Variants in MYPN observed in about 807,000 individuals in gnomAD.
MYPN encodes the protein myopalladin.
In MYPN, 63 loss-of-function variants were observed where a neutral mutation model predicts 129.4. The observed-to-expected ratio is 0.49, with a 90% CI of 0.40 to 0.60. The LOEUF (loss-of-function observed/expected upper bound fraction) is 0.60, where lower values mean the gene tolerates loss of function less well. Among genes scored for constraint, MYPN ranks in the 20% least tolerant of loss-of-function variants. The pLI is 0.00. For missense variants in MYPN, 1,596 were observed against 1,635.4 expected, an observed-to-expected ratio of 0.98 and a Z score of 0.42; for synonymous variants, 629 against 600.9, an observed-to-expected ratio of 1.05 and a Z score of -0.68.
intron 8 of MYPN, among the ~76,000 whole-genome samples, chr10:68,163,952 G>T (rs1422485298): frequency 6.6e-6 from 1 of 152,176 alleles, no homozygotes; most frequent in Non-Finnish European, 1.5e-5. Context: ...GAGTTAGCTT[G>T]ACTGGCTTAG....
intron 8 of MYPN, among the ~76,000 whole-genome samples, chr10:68,164,162 C>T (rs2043020073): frequency 6.6e-6 from 1 of 152,160 alleles, no homozygotes; most frequent in African/African-American, 2.4e-5. Context: ...TAATAAAGAA[C>T]AGGGATTTAT....
chr10:68,145,915 ACTC>A (rs770104510), intron 4 of MYPN, among the ~76,000 whole-genome samples: 7 of 151,466 alleles, frequency 4.6e-5, no homozygotes, highest in African/African-American at 7.3e-5. Context: ...CCTTGAGTCA[ACTC>A]CTCCTTCTCT....
intron 2 of MYPN, among the ~76,000 whole-genome samples, chr10:68,130,258 G>A (rs1287788350): frequency 9.2e-5 from 14 of 152,084 alleles, no homozygotes; most frequent in Admixed American, 3.3e-4. Context: ...TCAGGAGTTC[G>A]AGACTAGCCT....
At chr10:68,167,872 T>G (rs1447930889) in intron 10 of MYPN, among the ~76,000 whole-genome samples, 1 of 152,228 alleles carries the variant, frequency 6.6e-6, no homozygotes, top group Admixed American at 6.5e-5. Flanking sequence ...AAGAGGTTAT[T>G]GCAGGGATAT....
At chr10:68,172,171 T>G (rs1163734577) in intron 10 of MYPN, among the ~76,000 whole-genome samples, 1 of 151,912 alleles carries the variant, frequency 6.6e-6, no homozygotes, top group African/African-American at 2.4e-5. Context: ...CTGGGCAACA[T>G]GACGAGACCC....
chr10:68,164,317 T>C (rs2043023007), intron 8 of MYPN, among the ~76,000 whole-genome samples: 1 of 152,204 alleles, frequency 6.6e-6, no homozygotes, highest in Admixed American at 6.5e-5. Flanking sequence ...GGGGCCACTC[T>C]TACTTTCATG....
chr10:68,118,195 A>G (rs1230724693), intron 1 of MYPN, among the ~76,000 whole-genome samples: 1 of 152,134 alleles, frequency 6.6e-6, no homozygotes, highest in Non-Finnish European at 1.5e-5. Context: ...TTCCACCACA[A>G]ATATAAACTT....
At chr10:68,092,495 C>CA (rs1170392363) in intron 1 of MYPN, among the ~76,000 whole-genome samples, 1,747 of 96,300 alleles carry the variant, frequency 0.018, 28 homozygotes, top group African/African-American at 0.053. Flanking sequence ...GACTTCGTCT[C>CA]AAAAAAAAAA....
chr10:68,119,283 A>T (rs1160082839), intron 1 of MYPN, among the ~76,000 whole-genome samples: 2 of 152,178 alleles, frequency 1.3e-5, no homozygotes, highest in African/African-American at 4.8e-5. Flanking sequence ...TAATTTAATT[A>T]ACTAATTTCT....
chr10:68,169,490 C>T (rs948210013), intron 10 of MYPN, among the ~76,000 whole-genome samples: 1 of 152,118 alleles, frequency 6.6e-6, no homozygotes, highest in Non-Finnish European at 1.5e-5. Flanking sequence ...ACTTTGCAGA[C>T]AACCCAAACT....
chr10:68,188,506 A>G (rs1360153259), intron 12 of MYPN, among the ~76,000 whole-genome samples: 1 of 151,998 alleles, frequency 6.6e-6, no homozygotes, highest in African/African-American at 2.4e-5. Flanking sequence ...AAAATCCAGT[A>G]GAGACAGGAA....
chr10:68,152,003 C>G (rs531878553), intron 6 of MYPN, among the ~76,000 whole-genome samples: 26 of 152,260 alleles, frequency 1.7e-4, no homozygotes, highest in Admixed American at 1.4e-3. Flanking sequence ...CATGAGACAT[C>G]AATCCGTACA....
chr10:68,136,652 G>A, intron 2 of MYPN: 2 of 1,534,762 alleles, frequency 1.3e-6, no homozygotes, highest in Non-Finnish European at 1.7e-6. Context: ...ACTTCTGACA[G>A]AGAGTTTGGG....
At chr10:68,120,718 C>T (rs938416307) in intron 1 of MYPN, among the ~76,000 whole-genome samples, 2 of 152,134 alleles carry the variant, frequency 1.3e-5, no homozygotes, top group African/African-American at 2.4e-5. Context: ...AATTCTATTA[C>T]ATTCAAGGTA....
chr10:68,168,720 G>C (rs2043091843), intron 10 of MYPN, among the ~76,000 whole-genome samples: 1 of 152,142 alleles, frequency 6.6e-6, no homozygotes, highest in South Asian at 2.1e-4. Flanking sequence ...CTGAAAACTT[G>C]GAGTCAGTAG....
intron 12 of MYPN, among the ~76,000 whole-genome samples, chr10:68,176,012 G>A (rs2043222427): frequency 1.3e-5 from 2 of 152,072 alleles, no homozygotes; most frequent in Admixed American, 1.3e-4. Context: ...CAAAGTGCTG[G>A]GATTACAGGC....
intron 8 of MYPN, among the ~76,000 whole-genome samples, chr10:68,164,820 A>C (rs2043029246): frequency 6.6e-6 from 1 of 152,250 alleles, no homozygotes; most frequent in Admixed American, 6.5e-5. Context: ...ACAGTAATAC[A>C]AAAGTAGAAA....
chr10:68,116,819 G>T lies in MYPN; in HGVS notation c.-1-4619G>T, dbSNP rs191560340. Among the ~76,000 whole-genome samples the T allele has an allele frequency of 3.6e-4, 55 of 152,274 alleles. No individual in the cohort carries two copies. The East Asian group carries it at 0.01, about 28-fold the overall frequency. On this transcript the variant is annotated intron_variant, in intron 1 of 19. Coordinates refer to ENST00000358913, the MANE Select transcript of MYPN (RefSeq NM_032578.4). ...ATCCATCATAAATAAATTTTCACTT[G>T]AAAGTCATCTTAAAGTTATGACTGC...
chr10:68,121,245 T>C (rs901240958), intron 1 of MYPN, among the ~76,000 whole-genome samples, 193 bp from the exon 2 acceptor site: 1 of 152,180 alleles, frequency 6.6e-6, no homozygotes, highest in African/African-American at 2.4e-5. Flanking sequence ...ATCACTGCAC[T>C]CCAGCCTGGG....
Sources: allele counts gnomAD v4.1 joint callset (sites outside exome capture counted in the v4.1 genomes callset), GRCh38; gene constraint gnomAD v4.1.1; transcripts MANE v1.5; gene names NCBI Gene and HGNC (gene_info 2026-07-23, HGNC 2026-07-21).